Variants in NFIB observed in about 807,000 individuals in gnomAD.
The protein encoded by NFIB is nuclear factor 1 B-type.
In NFIB, 11 loss-of-function variants were observed where a neutral mutation model predicts 61.5. That is an observed-to-expected ratio of 0.18 (90% CI 0.11 to 0.30). NFIB has a LOEUF of 0.30. Among genes scored for constraint, NFIB ranks in the 10% least tolerant of loss-of-function variants. The probability of loss-of-function intolerance (pLI) is 1.00; values close to 1 mark genes in which losing one functional copy is unlikely to be tolerated. For synonymous variants in NFIB, 260 were observed against 216.5 expected (o/e 1.20, Z -1.76); for missense variants, 471 against 608.9 (o/e 0.77, Z 2.38).
At chr9:14,098,039 T>A (rs2035148902) in intron 10 of NFIB, among the ~76,000 whole-genome samples, 1 of 152,106 alleles carries the variant, frequency 6.6e-6, no homozygotes, top group Admixed American at 6.6e-5. Flanking sequence ...GAATGAAGTA[T>A]TCAACCCACA....
chr9:14,488,790 A>G, the NFIB span, among the ~76,000 whole-genome samples: 1 of 152,224 alleles, frequency 6.6e-6, no homozygotes, highest in African/African-American at 2.4e-5. Flanking sequence ...AGATGAATAC[A>G]TGATTTGAGT....
upstream of NFIB, among the ~76,000 whole-genome samples, chr9:14,314,856 C>A (rs1208923736): frequency 6.6e-6 from 1 of 151,620 alleles, no homozygotes; most frequent in Non-Finnish European, 1.5e-5. Context: ...CACACATACA[C>A]ACCCCCGAAA....
In NFIB at chr9:14,265,069, G is replaced by A. The variant is rs147082004; in HGVS notation, c.562+41920C>T. Among the ~76,000 whole-genome samples, 521 of 152,234 alleles carry A rather than the reference G, an allele frequency of 3.4e-3. 2 individuals carry two copies. The highest frequency in any genetic ancestry group is 5.9e-3 in the Non-Finnish European group (401 of 68,022). ...GATCAGTCATGAGAACAAACCCAAA[G>A]ACCTACTGGACCCGAATTTATTGAT... On this transcript the variant is annotated intron_variant, in intron 2 of 10. Coordinates refer to ENST00000380953, the MANE Select transcript of NFIB (RefSeq NM_001190737.2).
intron 2 of NFIB, among the ~76,000 whole-genome samples, chr9:14,263,816 C>T (rs1397209012): frequency 1.3e-5 from 2 of 152,166 alleles, no homozygotes; most frequent in African/African-American, 2.4e-5. Context: ...TGGCGTAATC[C>T]GTGAAACCCA....
At chr9:14,189,505 G>A (rs1252619324) in intron 2 of NFIB, among the ~76,000 whole-genome samples, 3 of 151,852 alleles carry the variant, frequency 2.0e-5, no homozygotes, top group African/African-American at 7.3e-5. Flanking sequence ...TCACACAACA[G>A]TGAAATATGC....
chr9:14,237,836 TATAACA>T (rs1563932687), intron 2 of NFIB, among the ~76,000 whole-genome samples: 13 of 120,490 alleles, frequency 1.1e-4, no homozygotes, highest in African/African-American at 2.8e-4. Context: ...CCCTGCTAGG[TATAACA>T]GTGTGTGTGT....
chr9:14,349,844 G>A (rs1305157057), intron 1 of NFIB, among the ~76,000 whole-genome samples: 3 of 152,138 alleles, frequency 2.0e-5, no homozygotes, highest in Non-Finnish European at 4.4e-5. Context: ...AACGCTTCCC[G>A]CGCGGCAGTC....
intron 2 of NFIB, among the ~76,000 whole-genome samples, chr9:14,291,599 C>T (rs1316058391): frequency 6.6e-6 from 1 of 152,044 alleles, no homozygotes; most frequent in Admixed American, 6.6e-5. Context: ...TTCTCAGAAA[C>T]ATCTCTTAAA....
the NFIB span, among the ~76,000 whole-genome samples, chr9:14,503,674 T>C: frequency 6.6e-6 from 1 of 152,134 alleles, no homozygotes; most frequent in Non-Finnish European, 1.5e-5. Context: ...GTTGGGACTG[T>C]TTTTTTACTT....
At chr9:14,320,526 G>A (rs1424679129) in intron 1 of NFIB, among the ~76,000 whole-genome samples, 1 of 152,066 alleles carries the variant, frequency 6.6e-6, no homozygotes, top group East Asian at 1.9e-4. Context: ...ATGTAAAACT[G>A]GAAACCACAA....
the NFIB span, among the ~76,000 whole-genome samples, chr9:14,491,492 C>A: frequency 2.0e-5 from 3 of 152,176 alleles, no homozygotes; most frequent in Non-Finnish European, 4.4e-5. Flanking sequence ...GTGGGCAAGA[C>A]AGACAGTAGA....
intron 3 of NFIB, among the ~76,000 whole-genome samples, chr9:14,173,086 T>A (rs2045751858): frequency 6.6e-6 from 1 of 152,246 alleles, no homozygotes; most frequent in African/African-American, 2.4e-5. Flanking sequence ...AATGATACTT[T>A]CTGCAGGAAG....
chr9:14,223,777 T>A (rs1358548671), intron 2 of NFIB, among the ~76,000 whole-genome samples: 6 of 152,092 alleles, frequency 3.9e-5, no homozygotes, highest in African/African-American at 1.4e-4. Context: ...ATATACTAAA[T>A]CAAAATCTAA....
intron 1 of NFIB, among the ~76,000 whole-genome samples, chr9:14,338,108 T>TA (rs2060905215): frequency 6.6e-6 from 1 of 152,084 alleles, no homozygotes; most frequent in African/African-American, 2.4e-5. Flanking sequence ...GAAAAGAAAA[T>TA]ACGTAGCCGG....
At chr9:14,387,366 T>C (rs1007036109) in intron 1 of NFIB, among the ~76,000 whole-genome samples, 4 of 152,174 alleles carry the variant, frequency 2.6e-5, no homozygotes, top group Admixed American at 2.0e-4. Flanking sequence ...ATTTCTCCAC[T>C]TGAAACATAA....
chr9:14,134,907 A>AAAAAAACAAAAAAAAAC (rs1563820767), intron 6 of NFIB, among the ~76,000 whole-genome samples: 24 of 125,862 alleles, frequency 1.9e-4, no homozygotes, highest in African/African-American at 7.3e-4. Flanking sequence ...CAAAAAAAAA[A>AAAAAAACAAAAAAAAAC]AAAAAAAAAA....
intron 10 of NFIB, among the ~76,000 whole-genome samples, chr9:14,112,285 T>C (rs1272242479): frequency 2.0e-5 from 3 of 152,226 alleles, no homozygotes; most frequent in Admixed American, 6.5e-5. Flanking sequence ...GATTTCTACA[T>C]TGGTATGGTC....
intron 3 of NFIB, among the ~76,000 whole-genome samples, chr9:14,164,034 AAAAG>A (rs1187391046): frequency 6.6e-6 from 1 of 151,936 alleles, no homozygotes; most frequent in Non-Finnish European, 1.5e-5. Flanking sequence ...TACTTACCAT[AAAAG>A]AAAGAACAGC....
intron 2 of NFIB, among the ~76,000 whole-genome samples, chr9:14,181,876 G>C (rs1230101793): frequency 6.6e-6 from 1 of 152,188 alleles, no homozygotes; most frequent in African/African-American, 2.4e-5. Context: ...GTTGTCAATT[G>C]TTGCAGCAGT....
Sources: gnomAD v4.1 joint callset for allele counts (sites outside exome capture counted in the v4.1 genomes callset) on GRCh38, gnomAD v4.1.1 for gene constraint, MANE v1.5 for transcripts, NCBI Gene and HGNC (gene_info 2026-07-23, HGNC 2026-07-21) for gene names.